NTM: variants seen among roughly 807,000 people sequenced by gnomAD.
The protein encoded by NTM is neurotrimin, also known as IgLON family member 2.
NTM carries 13 observed loss-of-function variants against 42.1 expected under a neutral mutation model. The ratio of observed to expected loss-of-function variants is 0.31; its 90% confidence interval spans 0.20 to 0.49. The LOEUF (loss-of-function observed/expected upper bound fraction) is 0.49. Among genes scored for constraint, NTM ranks in the 20% least tolerant of loss-of-function variants. NTM has a pLI of 0.99. For missense variants in NTM, 373 were observed against 452.8 expected (o/e 0.82, Z 1.60); for synonymous variants, 187 against 179.2 (o/e 1.04, Z -0.35).
chr11:132,037,639 A>G (rs1049366958), intron 2 of NTM, among the ~76,000 whole-genome samples: 2 of 152,172 alleles, frequency 1.3e-5, no homozygotes, highest in Non-Finnish European at 2.9e-5. Flanking sequence ...GCTTCTTCCC[A>G]CTGGGAGCCA....
intron 1 of NTM, among the ~76,000 whole-genome samples, chr11:131,653,553 C>T (rs1413255121): frequency 6.6e-6 from 1 of 152,262 alleles, no homozygotes; most frequent in Admixed American, 6.5e-5. Context: ...TCTGCCTCTC[C>T]CCTGCCACAG....
At chr11:131,461,134 G>A (rs1951336393) in intron 1 of NTM, among the ~76,000 whole-genome samples, 1 of 152,214 alleles carries the variant, frequency 6.6e-6, no homozygotes, top group Non-Finnish European at 1.5e-5. Context: ...CTCTACATCT[G>A]AGAGAGGGAT....
In NTM at chr11:131,594,176, T is replaced by C. The variant is rs547920230; in HGVS notation, c.82+223288T>C. 5.3e-5 allele frequency among the ~76,000 whole-genome samples: 8 copies of C among 152,304 alleles called. No homozygotes were observed. The South Asian group carries it at 1.2e-3, about 24-fold the overall frequency. On this transcript the variant is annotated intron_variant, in intron 1 of 8. Transcript: ENST00000683400. ...ATTCAAGGAAAGTAATACACACTAATAGGTCTAATTCATTTGTCATTTGTA... is the reference window on the plus strand; with the variant it reads ...ATTCAAGGAAAGTAATACACACTAACAGGTCTAATTCATTTGTCATTTGTA...
chr11:132,216,944 T>A (rs1254746062), intron 4 of NTM, among the ~76,000 whole-genome samples: 1 of 152,220 alleles, frequency 6.6e-6, no homozygotes, highest in Non-Finnish European at 1.5e-5. Flanking sequence ...GACCTTGCTG[T>A]GGCAGGACTC....
intron 1 of NTM, among the ~76,000 whole-genome samples, chr11:131,408,392 G>A (rs374963039): frequency 3.9e-5 from 6 of 152,190 alleles, no homozygotes; most frequent in African/African-American, 1.2e-4. Flanking sequence ...TGAATTCTGT[G>A]GAGAGGAGAG....
At chr11:132,145,365 A>G (rs1298204900) in intron 2 of NTM, among the ~76,000 whole-genome samples, 2 of 151,780 alleles carry the variant, frequency 1.3e-5, no homozygotes, top group East Asian at 3.9e-4. Context: ...CCTATGCTAC[A>G]TTGTTATTTC....
At chr11:131,391,274 A>T (rs1342893918) in intron 1 of NTM, among the ~76,000 whole-genome samples, 1 of 152,022 alleles carries the variant, frequency 6.6e-6, no homozygotes, top group African/African-American at 2.4e-5. Context: ...CCTCTCCGCC[A>T]CATACTTCTC....
chr11:132,299,299 A>C (rs921839790), intron 4 of NTM, among the ~76,000 whole-genome samples: 1 of 147,998 alleles, frequency 6.8e-6, no homozygotes, highest in Non-Finnish European at 1.5e-5. Flanking sequence ...TGTCTCAAAA[A>C]AACAAAACAA....
At chr11:132,210,120 C>T (rs1019983779) in intron 3 of NTM, among the ~76,000 whole-genome samples, 2 of 152,206 alleles carry the variant, frequency 1.3e-5, no homozygotes, top group Non-Finnish European at 2.9e-5. Flanking sequence ...AGTCATCGTG[C>T]AGCTTCCCTG....
intron 1 of NTM, among the ~76,000 whole-genome samples, chr11:131,741,146 CAG>C (rs1413640236): frequency 1.4e-5 from 2 of 145,408 alleles, no homozygotes; most frequent in Non-Finnish European, 3.0e-5. Flanking sequence ...GCCTGGGCAA[CAG>C]AGCAAGACCC....
chr11:131,989,585 G>T (rs1184245695), intron 2 of NTM, among the ~76,000 whole-genome samples: 1 of 152,148 alleles, frequency 6.6e-6, no homozygotes, highest in Non-Finnish European at 1.5e-5. Context: ...GGATATCGAA[G>T]TGAAAAGTAG....
chr11:131,620,714 A>C (rs903826787), intron 1 of NTM, among the ~76,000 whole-genome samples: 1 of 152,178 alleles, frequency 6.6e-6, no homozygotes, highest in African/African-American at 2.4e-5. Context: ...TTCCTAATGG[A>C]GTGGGTCCAC....
At chr11:131,809,270 G>C (rs569726591) in intron 1 of NTM, among the ~76,000 whole-genome samples, 2 of 152,346 alleles carry the variant, frequency 1.3e-5, no homozygotes, top group South Asian at 4.1e-4. Context: ...TGATGGGTCA[G>C]CTGGTAAGTA....
intron 1 of NTM, among the ~76,000 whole-genome samples, chr11:131,819,543 T>A (rs2093092827): frequency 6.6e-6 from 1 of 152,228 alleles, no homozygotes; most frequent in East Asian, 1.9e-4. Context: ...TCCAAAGTCA[T>A]CCACATCCTG....
intron 1 of NTM, among the ~76,000 whole-genome samples, chr11:131,847,288 T>C (rs2045024203): frequency 1.3e-5 from 2 of 152,056 alleles, no homozygotes; most frequent in Non-Finnish European, 2.9e-5. Flanking sequence ...TTATTTTAAT[T>C]ACATAAGTTT....
At chr11:131,447,859 C>A (rs905486875) in intron 1 of NTM, among the ~76,000 whole-genome samples, 1 of 152,206 alleles carries the variant, frequency 6.6e-6, no homozygotes, top group Non-Finnish European at 1.5e-5. Flanking sequence ...CATCATGCAC[C>A]GCAGATGAGG....
At chr11:132,171,249 T>C (rs551391467) in intron 3 of NTM, among the ~76,000 whole-genome samples, 18 of 152,300 alleles carry the variant, frequency 1.2e-4, no homozygotes, top group Admixed American at 5.9e-4. Flanking sequence ...CCTCTGCACG[T>C]CCTGCCGCTG....
chr11:132,013,043 C>G (rs1053656281), intron 2 of NTM, among the ~76,000 whole-genome samples: 7 of 152,110 alleles, frequency 4.6e-5, no homozygotes, highest in Non-Finnish European at 7.4e-5. Flanking sequence ...AGTTCACATA[C>G]AGATCTGATG....
chr11:132,298,217 A>G (rs1002824128), intron 4 of NTM, among the ~76,000 whole-genome samples: 4 of 152,252 alleles, frequency 2.6e-5, no homozygotes, highest in Non-Finnish European at 5.9e-5. Context: ...GAAAGCAAAC[A>G]GCCAAGATAC....
Sources: allele counts gnomAD v4.1 joint callset (sites outside exome capture counted in the v4.1 genomes callset), GRCh38; gene constraint gnomAD v4.1.1; transcripts MANE v1.5; gene names NCBI Gene and HGNC (gene_info 2026-07-23, HGNC 2026-07-21).